The following ERCC6L2 variants were observed in gnomAD, a reference collection of about 807,000 sequenced individuals.
ERCC6L2 encodes the protein ERCC excision repair 6 like 2.
Under a neutral mutation model 132.0 loss-of-function variants are expected in ERCC6L2, and 77 were observed. The ratio of observed to expected loss-of-function variants is 0.58; its 90% CI spans 0.49 to 0.71. ERCC6L2 has a LOEUF of 0.71. Ranked by LOEUF, ERCC6L2 falls within the 30% of genes least tolerant of loss-of-function variation. ERCC6L2 has a pLI of 0.00. For synonymous variants in ERCC6L2, 583 were observed against 632.4 expected, an observed-to-expected ratio of 0.92 and a Z score of 1.17; for missense variants, 1,542 against 1,837.6, an observed-to-expected ratio of 0.84 and a Z score of 2.94.
At chr9:95,894,849 G>A (rs996185401) in intron 2 of ERCC6L2, among the ~76,000 whole-genome samples, 2 of 152,066 alleles carry the variant, frequency 1.3e-5, no homozygotes, top group Non-Finnish European at 2.9e-5. Context: ...GCCCGCCTCG[G>A]CCTCCCAAAA....
At chr9:95,955,399 C>T (rs1831550425) in intron 12 of ERCC6L2, among the ~76,000 whole-genome samples, 1 of 148,614 alleles carries the variant, frequency 6.7e-6, no homozygotes, top group Non-Finnish European at 1.5e-5. Flanking sequence ...TAAGTTTTGA[C>T]TTATGTACAT....
At chr9:95,976,252 C>G (rs1045955256) in intron 16 of ERCC6L2, among the ~76,000 whole-genome samples, 1 of 152,150 alleles carries the variant, frequency 6.6e-6, no homozygotes, top group South Asian at 2.1e-4. Context: ...TGCCCTCATC[C>G]TTGTTCTTCC....
intron 18 of ERCC6L2, among the ~76,000 whole-genome samples, chr9:96,008,935 G>A (rs564016734): frequency 2.0e-5 from 3 of 152,326 alleles, no homozygotes; most frequent in East Asian, 3.9e-4. Flanking sequence ...ATAGATAAGC[G>A]AGAAAGCAGC....
At chr9:95,965,760 C>T (rs559804940) in intron 13 of ERCC6L2, among the ~76,000 whole-genome samples, 1 of 152,288 alleles carries the variant, frequency 6.6e-6, no homozygotes, top group East Asian at 1.9e-4. Flanking sequence ...CTGCCTCCAC[C>T]TCCACCTCCC....
At position 96,004,505 on chromosome 9, in the gene ERCC6L2, C is replaced by T. The variant is rs1426628446; in HGVS notation, c.3493-15C>T. The stretch of plus-strand genomic sequence containing the variant: ...TTTTTTCAGACATAGCTTTTGTTTC[C>T]TTTCTTTTTTTCAGACATATAAAGA... On this transcript the variant is annotated splice_polypyrimidine_tract_variant and intron_variant, in intron 17 of 18. Transcript: ENST00000653738. 1 of 1,287,232 alleles carries T rather than the reference C, an allele frequency of 7.8e-7. No individual in the cohort carries two copies. The highest frequency in any genetic ancestry group is 1.0e-6 in the Non-Finnish European group (1 of 979,666). The allele number at this position is 1,287,232 out of a possible 1,614,324, so 79.7% of individuals were successfully genotyped here.
intron 3 of ERCC6L2, among the ~76,000 whole-genome samples, chr9:95,906,206 T>A (rs1266330684): frequency 6.6e-6 from 1 of 152,152 alleles, no homozygotes; most frequent in Non-Finnish European, 1.5e-5. Context: ...TGATCTTTGC[T>A]ATAGGGAGAG....
chr9:95,939,782 A>G (rs771244897), intron 11 of ERCC6L2, among the ~76,000 whole-genome samples: 2 of 152,220 alleles, frequency 1.3e-5, no homozygotes, highest in African/African-American at 4.8e-5. Context: ...TAATTCCAAC[A>G]TCTGATTCAT....
At chr9:95,969,280 A>G (rs1832303972) in intron 14 of ERCC6L2, among the ~76,000 whole-genome samples, 1 of 152,176 alleles carries the variant, frequency 6.6e-6, no homozygotes, top group Non-Finnish European at 1.5e-5. Context: ...ACATAGTCTG[A>G]TTTATATTAG....
In ERCC6L2 at chr9:95,885,915, G is replaced by A. The variant is rs117542370; in HGVS notation, c.471+4622G>A. On this transcript the variant is annotated intron_variant, in intron 2 of 18. Coordinates refer to ENST00000653738, the MANE Select transcript of ERCC6L2 (RefSeq NM_020207.7). ...AAAGTTTCAGAGCCTTTGCTCAGAC[G>A]GTGTGTTTTTCAGAGGGTTAGAAAA... 1.2e-4 allele frequency among the ~76,000 whole-genome samples: 18 copies of A among 152,288 alleles called. No individual in the cohort carries two copies. In the East Asian group the frequency reaches 3.5e-3, roughly 29 times the overall value.
chr9:96,012,206 T>G lies in ERCC6L2; in HGVS notation c.3675-19T>G, dbSNP rs928745178. On this transcript the variant is annotated intron_variant, in intron 18 of 18. Coordinates refer to ENST00000653738, the MANE Select transcript of ERCC6L2 (RefSeq NM_020207.7). ...AATGTAATGAAAATAACCACTAGTT[T>G]TGTTCATTTAATCTTTAGAAAACAA... 6.3e-5 allele frequency: 76 copies of G among 1,213,624 alleles called. No homozygotes were observed. Among genetic ancestry groups the G allele is most frequent in the Non-Finnish European group, 7.8e-5 (73 of 941,462 alleles). The allele number at this position is 1,213,624 out of a possible 1,614,324, so 75.2% of individuals were successfully genotyped here. A position where few individuals can be genotyped will look rare whatever the true frequency, so the allele number is the denominator to read the frequency against.
chr9:95,975,323 T>C (rs1385216252), intron 16 of ERCC6L2, among the ~76,000 whole-genome samples: 3 of 151,762 alleles, frequency 2.0e-5, no homozygotes, highest in Non-Finnish European at 4.4e-5. Context: ...GAGAATAATA[T>C]TCCCTGAGAT....
At chr9:95,941,428 GCTT>G (rs752311017) in intron 11 of ERCC6L2, 23 bp from the exon 12 acceptor site, 1 of 1,479,576 alleles carries the variant, frequency 6.8e-7, no homozygotes, top group Non-Finnish European at 9.4e-7. Flanking sequence ...GTTCTAATGT[GCTT>G]TTTTTTTTTC....
At chr9:96,031,975 A>C (rs1834465556) in intron 19 of ERCC6L2, among the ~76,000 whole-genome samples, 1 of 152,228 alleles carries the variant, frequency 6.6e-6, no homozygotes, top group Admixed American at 6.5e-5. Context: ...GAAAAGTAGA[A>C]CAATTTAAAT....
intron 19 of ERCC6L2, among the ~76,000 whole-genome samples, chr9:96,036,775 T>A (rs868732907): frequency 1.8e-4 from 26 of 140,768 alleles, no homozygotes; most frequent in Admixed American, 3.5e-4. Flanking sequence ...TTTTATTTAT[T>A]TTTTTTTTTG....
At chr9:95,886,020 T>G (rs1197491553) in intron 2 of ERCC6L2, among the ~76,000 whole-genome samples, 2 of 152,134 alleles carry the variant, frequency 1.3e-5, no homozygotes, top group Admixed American at 1.3e-4. Context: ...TGTTGTTCTC[T>G]TTTTGTTTTT....
At chr9:96,039,474 CA>C (rs1201560333) in intron 20 of ERCC6L2, among the ~76,000 whole-genome samples, 7 of 151,756 alleles carry the variant, frequency 4.6e-5, no homozygotes, top group Non-Finnish European at 7.4e-5. Context: ...CAAGGTGTGG[CA>C]AAGTTTGGGG....
intron 19 of ERCC6L2, among the ~76,000 whole-genome samples, chr9:96,030,480 G>A (rs12352681): frequency 0.023 from 3,445 of 152,142 alleles, 137 homozygotes; most frequent in African/African-American, 0.08. Context: ...GGCGGATCAC[G>A]ATGTCAGGCG....
At chr9:95,903,604 G>A (rs1350356527) in intron 3 of ERCC6L2, among the ~76,000 whole-genome samples, 2 of 150,556 alleles carry the variant, frequency 1.3e-5, no homozygotes, top group African/African-American at 4.9e-5. Flanking sequence ...TTGGCATAAT[G>A]CCAAACTTTA....
chr9:96,036,759 TA>T (rs201583428), intron 19 of ERCC6L2, among the ~76,000 whole-genome samples: 21,941 of 142,830 alleles, frequency 0.15, 1,771 homozygotes, highest in Middle Eastern at 0.24. Context: ...TTATTATTAT[TA>T]TTATTTTTAT....
Sources: gnomAD v4.1 joint callset for allele counts (sites outside exome capture counted in the v4.1 genomes callset) on GRCh38, gnomAD v4.1.1 for gene constraint, MANE v1.5 for transcripts, NCBI Gene and HGNC (gene_info 2026-07-23, HGNC 2026-07-21) for gene names.